The following SPAG16 variants were observed in gnomAD, a reference collection of about 807,000 sequenced individuals.
SPAG16 encodes sperm-associated antigen 16 protein.
In SPAG16, 86 loss-of-function variants were observed where a neutral mutation model predicts 80.4. The ratio of observed to expected loss-of-function variants is 1.07; its 90% CI spans 0.90 to 1.28. The LOEUF (loss-of-function observed/expected upper bound fraction) is 1.28. Among genes scored for constraint, SPAG16 ranks in the 50% most tolerant of loss-of-function variants. The pLI, the probability that SPAG16 is intolerant of heterozygous loss-of-function variation, is 0.00. For missense variants in SPAG16, 870 were observed against 765.3 expected, an observed-to-expected ratio of 1.14 and a Z score of -1.61; for synonymous variants, 294 against 265.9, an observed-to-expected ratio of 1.11 and a Z score of -1.03.
intron 9 of SPAG16, among the ~76,000 whole-genome samples, chr2:213,375,861 A>G (rs1353200021): frequency 1.3e-5 from 2 of 151,696 alleles, no homozygotes; most frequent in Non-Finnish European, 2.9e-5. Context: ...AATAGCATTT[A>G]CTTAGGTAAT....
At chr2:213,901,815 G>A (rs1477647880) in intron 11 of SPAG16, among the ~76,000 whole-genome samples, 1 of 152,188 alleles carries the variant, frequency 6.6e-6, no homozygotes, top group African/African-American at 2.4e-5. Context: ...ACTCAGTGAT[G>A]TGCAGGGCCA....
At position 213,330,818 on chromosome 2, in the gene SPAG16, C is replaced by A. The variant is rs544985723; in HGVS notation, c.537-9345C>A. Among the ~76,000 whole-genome samples the A allele has an allele frequency of 7.2e-5, 11 of 152,286 alleles. No individual in the cohort carries two copies. In the East Asian group the frequency reaches 2.1e-3, roughly 29 times the overall value. ...GGGACCCAGTGGGAGGTAATTGAAT[C>A]ATGGGGGCAGGTCTTTCTCGTGCTG... is the stretch of plus-strand genomic sequence containing the variant. On this transcript the variant is annotated intron_variant, in intron 5 of 15. Coordinates refer to ENST00000331683, the MANE Select transcript of SPAG16 (RefSeq NM_024532.5).
intron 10 of SPAG16, among the ~76,000 whole-genome samples, chr2:213,614,305 C>CAAT (rs2061527897): frequency 2.6e-5 from 4 of 152,166 alleles, no homozygotes; most frequent in African/African-American, 9.6e-5. Flanking sequence ...TAAAGGGATA[C>CAAT]AAATGGCATA....
At position 214,398,042 on chromosome 2, in the gene SPAG16, C is replaced by T. The variant is rs759762849; in HGVS notation, c.1721-12098C>T. Among the ~76,000 whole-genome samples the T allele has an allele frequency of 8.5e-5, 13 of 152,108 alleles. 1 individual carries two copies. Among genetic ancestry groups the T allele is most frequent in the Admixed American group, 7.9e-4 (12 of 15,268 alleles). ...TAACCAATAAGGGAAAATTTTTACC[C>T]CTTATGAGACTGCTAGGCAATAGAG... is the stretch of plus-strand genomic sequence containing the variant. On this transcript the variant is annotated intron_variant, in intron 15 of 15. Coordinates refer to ENST00000331683, the MANE Select transcript of SPAG16 (RefSeq NM_024532.5).
At chr2:214,118,054 G>T (rs1364073592) in intron 14 of SPAG16, among the ~76,000 whole-genome samples, 1 of 152,176 alleles carries the variant, frequency 6.6e-6, no homozygotes, top group African/African-American at 2.4e-5. Flanking sequence ...AAAGGAGGAA[G>T]ACAAATTGTC....
intron 12 of SPAG16, among the ~76,000 whole-genome samples, chr2:213,952,269 G>T (rs1158097854): frequency 2.6e-5 from 4 of 152,002 alleles, no homozygotes; most frequent in African/African-American, 9.7e-5. Flanking sequence ...ATGGTAGAAT[G>T]CAGAAATACA....
intron 10 of SPAG16, among the ~76,000 whole-genome samples, chr2:213,733,743 G>A (rs1381168726): frequency 6.6e-6 from 1 of 152,022 alleles, no homozygotes; most frequent in Non-Finnish European, 1.5e-5. Context: ...TGAGACTTCT[G>A]TTGTGTTTCT....
At chr2:214,301,909 T>A (rs998660195) in intron 15 of SPAG16, among the ~76,000 whole-genome samples, 12 of 152,200 alleles carry the variant, frequency 7.9e-5, no homozygotes, top group Non-Finnish European at 1.8e-4. Flanking sequence ...GATGTAGACA[T>A]TCAATACTAA....
At chr2:213,924,196 G>A (rs1269603313) in intron 11 of SPAG16, among the ~76,000 whole-genome samples, 1 of 152,204 alleles carries the variant, frequency 6.6e-6, no homozygotes, top group Non-Finnish European at 1.5e-5. Context: ...GTGCTGGTCT[G>A]CTCTGGGGTT....
chr2:214,341,382 C>T (rs1343504920), intron 15 of SPAG16, among the ~76,000 whole-genome samples: 1 of 151,936 alleles, frequency 6.6e-6, no homozygotes, highest in Non-Finnish European at 1.5e-5. Flanking sequence ...ATTGAAATAC[C>T]CAAGCCTTTA....
At chr2:213,653,454 C>T (rs1320979010) in intron 10 of SPAG16, among the ~76,000 whole-genome samples, 2 of 152,140 alleles carry the variant, frequency 1.3e-5, no homozygotes, top group Non-Finnish European at 2.9e-5. Flanking sequence ...CTTCTATATA[C>T]AGATAGTAAA....
intron 15 of SPAG16, among the ~76,000 whole-genome samples, chr2:214,228,686 C>T (rs561789348): frequency 6.6e-6 from 1 of 151,958 alleles, no homozygotes; most frequent in East Asian, 1.9e-4. Flanking sequence ...GTATTTTGAC[C>T]TCAAACTGAT....
At chr2:213,575,719 A>C (rs2060100684) in intron 10 of SPAG16, among the ~76,000 whole-genome samples, 1 of 152,158 alleles carries the variant, frequency 6.6e-6, no homozygotes, top group South Asian at 2.1e-4. Flanking sequence ...TTGTTCAGCA[A>C]TTCATATCAA....
chr2:214,357,382 A>G (rs920095205), intron 15 of SPAG16, among the ~76,000 whole-genome samples: 1 of 151,842 alleles, frequency 6.6e-6, no homozygotes, highest in African/African-American at 2.4e-5. Context: ...GTCAACTTTA[A>G]TATTCCCATC....
intron 11 of SPAG16, among the ~76,000 whole-genome samples, chr2:213,929,367 C>G (rs1167658089): frequency 2.0e-5 from 3 of 152,116 alleles, no homozygotes; most frequent in Non-Finnish European, 2.9e-5. Context: ...TTGGAAGCCA[C>G]TGCTTTAAGA....
chr2:213,975,316 T>C (rs1274963958), intron 12 of SPAG16, among the ~76,000 whole-genome samples: 3 of 151,260 alleles, frequency 2.0e-5, no homozygotes, highest in Non-Finnish European at 4.4e-5. Context: ...ATCAAAATTT[T>C]AAAAATAATA....
Position 213,340,256 on chromosome 2 carries a change from T to C in SPAG16, c.630T>C (p.Ile210=). 1 of 1,601,632 alleles carries C rather than the reference T, an allele frequency of 6.2e-7. No individual in the cohort carries two copies. The highest frequency in any genetic ancestry group is 1.3e-5 in the African/African-American group (1 of 74,672). ...KRIVQEKNKL[I]NDLKGLKLHY... is the part of the protein sequence containing the mutation. ...TAGTCCAGGAAAAAAACAAATTAAT[T>C]AATGACCTCAAAGGGTAAGCTTATA... Residue 210 remains isoleucine, a synonymous_variant, in exon 6 of 16, where the codon ATT becomes ATC. Coordinates refer to ENST00000331683, the MANE Select transcript of SPAG16 (RefSeq NM_024532.5).
chr2:214,062,460 C>T (rs973717093), intron 13 of SPAG16, among the ~76,000 whole-genome samples: 2 of 150,268 alleles, frequency 1.3e-5, no homozygotes, highest in Admixed American at 6.6e-5. Flanking sequence ...CAAAACCAAC[C>T]GCCTGACCTC....
chr2:213,597,782 C>T lies in SPAG16; in HGVS notation c.1070+107692C>T, dbSNP rs367739960. The stretch of plus-strand genomic sequence containing the variant: ...AAATCTTTTGCCCCCCCAAAAACTT[C>T]TCTGACATATTTTAAGATGGCTATT... On this transcript the variant is annotated intron_variant, in intron 10 of 15. Coordinates refer to ENST00000331683, the MANE Select transcript of SPAG16 (RefSeq NM_024532.5). Among the ~76,000 whole-genome samples, 107 of 151,498 alleles carry T rather than the reference C, an allele frequency of 7.1e-4. 1 individual carries two copies. The highest frequency in any genetic ancestry group is 2.5e-3 in the African/African-American group (102 of 40,874).
Sources: allele counts gnomAD v4.1 joint callset (sites outside exome capture counted in the v4.1 genomes callset), GRCh38; gene constraint gnomAD v4.1.1; transcripts MANE v1.5; gene names NCBI Gene and HGNC (gene_info 2026-07-23, HGNC 2026-07-21).